ARFGEF3: variants seen among roughly 807,000 people sequenced by gnomAD.
ARFGEF3 encodes the protein ARFGEF family member 3, also known as brefeldin A-inhibited guanine nucleotide-exchange protein 3.
ARFGEF3 carries 96 observed loss-of-function variants against 221.7 expected under a neutral mutation model. That is an observed-to-expected ratio of 0.43 (90% CI 0.37 to 0.51). The LOEUF (loss-of-function observed/expected upper bound fraction) is 0.51. Ranked by LOEUF, ARFGEF3 falls within the 20% of genes least tolerant of loss-of-function variation. ARFGEF3 has a pLI of 0.00. For synonymous variants in ARFGEF3, 1,145 were observed against 1,126.8 expected (o/e 1.02, Z -0.32); for missense variants, 2,410 against 2,789.9 (o/e 0.86, Z 3.07).
chr6:138,177,979 G>A (rs1776989479), intron 2 of ARFGEF3, among the ~76,000 whole-genome samples: 1 of 151,956 alleles, frequency 6.6e-6, no homozygotes, highest in Non-Finnish European at 1.5e-5. Flanking sequence ...TTTTGGTTAG[G>A]ATTTATTGGC....
chr6:138,165,846 C>T (rs6931276), intron 1 of ARFGEF3, among the ~76,000 whole-genome samples: 5,378 of 152,332 alleles, frequency 0.035, 103 homozygotes, highest in African/African-American at 0.045. Context: ...CATATTTAGA[C>T]CATATCAAGA....
chr6:138,298,895 T>A (rs1779573838), intron 22 of ARFGEF3, 110 bp downstream of exon 22: 1 of 862,814 alleles, frequency 1.2e-6, no homozygotes, highest in Non-Finnish European at 1.8e-6. Flanking sequence ...CTATGTGGAA[T>A]CTGTAACGGA....
chr6:138,184,183 A>G (rs1777135810), intron 2 of ARFGEF3, among the ~76,000 whole-genome samples: 1 of 152,242 alleles, frequency 6.6e-6, no homozygotes, highest in Admixed American at 6.5e-5. Context: ...CATTAAAAAT[A>G]ATAGCAAACC....
At chr6:138,219,292 A>G (rs1028047816) in intron 4 of ARFGEF3, among the ~76,000 whole-genome samples, 11 of 152,084 alleles carry the variant, frequency 7.2e-5, no homozygotes, top group African/African-American at 2.4e-4. Flanking sequence ...GGAAACTGAG[A>G]TTAGTGAGGG....
chr6:138,277,499 G>A (rs1230228121), intron 12 of ARFGEF3, among the ~76,000 whole-genome samples: 2 of 152,166 alleles, frequency 1.3e-5, no homozygotes, highest in African/African-American at 4.8e-5. Flanking sequence ...GAATTGCTGG[G>A]TCATATAGTG....
intron 1 of ARFGEF3, among the ~76,000 whole-genome samples, chr6:138,170,355 G>T (rs1776804168): frequency 6.6e-6 from 1 of 152,124 alleles, no homozygotes; most frequent in Non-Finnish European, 1.5e-5. Flanking sequence ...CAAGAATATT[G>T]TATCTTAGTT....
intron 14 of ARFGEF3, among the ~76,000 whole-genome samples, chr6:138,282,196 C>G (rs753706087): frequency 4.6e-5 from 7 of 152,196 alleles, no homozygotes; most frequent in African/African-American, 9.7e-5. Flanking sequence ...CTCAGGTGAT[C>G]TGCCTGCCTC....
intron 5 of ARFGEF3, among the ~76,000 whole-genome samples, chr6:138,236,204 A>G (rs962984001): frequency 6.6e-6 from 1 of 152,212 alleles, no homozygotes; most frequent in East Asian, 1.9e-4. Flanking sequence ...TGTGTAGTTC[A>G]GCTCTCAAAA....
intron 5 of ARFGEF3, among the ~76,000 whole-genome samples, chr6:138,234,266 A>G (rs1238214102): frequency 6.6e-6 from 1 of 152,208 alleles, no homozygotes; most frequent in Non-Finnish European, 1.5e-5. Context: ...AGGTGTCTTA[A>G]GCCATTTTAA....
At chr6:138,283,931 T>C (rs1364868050) in intron 14 of ARFGEF3, among the ~76,000 whole-genome samples, 1 of 152,190 alleles carries the variant, frequency 6.6e-6, no homozygotes, top group Non-Finnish European at 1.5e-5. Context: ...TTGTAATTTC[T>C]GTAAGAATCA....
chr6:138,291,937 C>T lies in ARFGEF3; in HGVS notation c.3252C>T (p.Ile1084=), dbSNP rs770661286. The T allele has an allele frequency of 6.6e-6, 10 of 1,521,266 alleles. No homozygotes were observed. The highest frequency in any genetic ancestry group is 8.8e-6 in the Non-Finnish European group (10 of 1,134,408). 94.2% of individuals were successfully genotyped at this position (1,521,266 alleles called of 1,614,324 possible). A position where few individuals can be genotyped will look rare whatever the true frequency, so the allele number is the denominator to read the frequency against. The change falls in exon 19 of 34, where the codon ATC becomes ATT. Residue 1084 remains isoleucine (I), a synonymous_variant. Transcript: ENST00000251691. The surrounding 1 kb of genome is among the most constrained non-coding windows in gnomAD (Gnocchi z 4.5). The part of the protein sequence containing the change: ...STAPVVQPLS[I]QDLVREGSRG... ...CCCCTGTCGTCCAGCCCCTGTCCAT[C>T]CAGGACCTCGTCCGGGAAGGCAGCC...
chr6:138,215,887 T>TGA (rs1777837807), intron 4 of ARFGEF3: 3 of 68,578 alleles, frequency 4.4e-5, no homozygotes, highest in Admixed American at 3.3e-4. Flanking sequence ...TGTGTGTGTG[T>TGA]GAAAGAGAGA....
chr6:138,303,045 T>G (rs1779654065), intron 22 of ARFGEF3, among the ~76,000 whole-genome samples: 1 of 152,208 alleles, frequency 6.6e-6, no homozygotes, highest in African/African-American at 2.4e-5. Context: ...ACTCTAACAC[T>G]GTATTGCTGG....
chr6:138,230,924 A>G (rs9399234), intron 5 of ARFGEF3, among the ~76,000 whole-genome samples: 13,783 of 152,268 alleles, frequency 0.091, 902 homozygotes, highest in East Asian at 0.37. Flanking sequence ...TTTTCAAAAG[A>G]CAGTGTTGTT....
chr6:138,236,566 C>G (rs565790235), intron 5 of ARFGEF3, among the ~76,000 whole-genome samples: 1 of 152,172 alleles, frequency 6.6e-6, no homozygotes, highest in Non-Finnish European at 1.5e-5. Context: ...CCTCTACCTT[C>G]CCAGGCTGAG....
chr6:138,303,549 A>G (rs976576410), intron 22 of ARFGEF3, among the ~76,000 whole-genome samples: 16 of 152,280 alleles, frequency 1.1e-4, no homozygotes, highest in African/African-American at 3.8e-4. Context: ...TCACTCCTGT[A>G]ATCCCAGCAC....
intron 2 of ARFGEF3, among the ~76,000 whole-genome samples, chr6:138,192,872 C>A (rs1398290623): frequency 1.3e-5 from 2 of 152,174 alleles, no homozygotes; most frequent in African/African-American, 4.8e-5. Context: ...TTGCCATTGT[C>A]AGGGCCTGAA....
At chr6:138,164,507 C>T (rs904078984) in intron 1 of ARFGEF3, among the ~76,000 whole-genome samples, 1 of 152,184 alleles carries the variant, frequency 6.6e-6, no homozygotes, top group Non-Finnish European at 1.5e-5. Context: ...GGTTCAGATC[C>T]TTGCCTTGAT....
intron 15 of ARFGEF3, among the ~76,000 whole-genome samples, chr6:138,286,449 C>CAAAAAA (rs960871572): frequency 3.4e-4 from 19 of 56,074 alleles, no homozygotes; most frequent in South Asian, 5.9e-4. Flanking sequence ...GACTCCGTCT[C>CAAAAAA]AAAAAAAAAA....
Sources: allele counts gnomAD v4.1 joint callset (sites outside exome capture counted in the v4.1 genomes callset), GRCh38; gene constraint gnomAD v4.1.1; non-coding constraint Gnocchi (gnomAD v3.1); transcripts MANE v1.5; gene names NCBI Gene and HGNC (gene_info 2026-07-23, HGNC 2026-07-21).